The following BAHCC1 variants were observed in gnomAD, a reference collection of about 807,000 sequenced individuals.
BAHCC1 encodes BAH and coiled-coil domain-containing protein 1.
In BAHCC1, 43 loss-of-function variants were observed where a neutral mutation model predicts 88.2. The ratio of observed to expected loss-of-function variants is 0.49; its 90% CI spans 0.38 to 0.63. The LOEUF (loss-of-function observed/expected upper bound fraction) is 0.63. BAHCC1 is among the 20% of genes least tolerant of loss of function. BAHCC1 has a pLI of 0.00. For missense variants in BAHCC1, 3,023 were observed against 1,654.8 expected (o/e 1.83, Z -14.34); for synonymous variants, 1,510 against 745.5 (o/e 2.03, Z -16.71).
intron 2 of BAHCC1, among the ~76,000 whole-genome samples, chr17:81,416,201 CGCGTGTGTACGTGTAT>C: frequency 9.0e-6 from 1 of 110,604 alleles, no homozygotes; most frequent in Non-Finnish European, 1.8e-5. Flanking sequence ...TGGGTGTATG[CGCGTGTGTACGTGTAT>C]GTGTGTCCAT....
At position 81,447,788 on chromosome 17, in the gene BAHCC1, C is replaced by T. The variant is rs2064561839; in HGVS notation, c.3916C>T (p.Leu1306=). 1 of 752,354 alleles carries T rather than the reference C, an allele frequency of 1.3e-6. No individual in the cohort carries two copies. The highest frequency in any genetic ancestry group is 1.7e-5 in the African/African-American group (1 of 58,616). 46.6% of individuals were successfully genotyped at this position (752,354 alleles called of 1,614,324 possible). Reference sequence around the variant, plus strand: ...TAGCTCAGGGATTCATGGGATCGCTCTGCTCAGCGAGCTGGCTGACCTGGC... The same window carrying T: ...TAGCTCAGGGATTCATGGGATCGCTTTGCTCAGCGAGCTGGCTGACCTGGC... ...PHSSGIHGIA[L]LSELADLAIQ... is the part of the protein sequence containing the mutation. The change falls in exon 11 of 28, where the codon CTG becomes TTG. Residue 1306 remains leucine, a synonymous_variant. Coordinates refer to ENST00000675386, the MANE Select transcript of BAHCC1 (RefSeq NM_001377448.1).
chr17:81,444,067 C>G (rs1276057207), intron 6 of BAHCC1, 150 bp downstream of exon 6: 1 of 616,782 alleles, frequency 1.6e-6, no homozygotes, highest in East Asian at 2.7e-5. Context: ...ACCCCTAGAG[C>G]CTTTCTGGAG....
At position 81,461,531 on chromosome 17, in the gene BAHCC1, A is replaced by G. The variant is rs1555659379; in HGVS notation, c.6868A>G (p.Ser2290Gly). 4.1e-6 allele frequency: 3 copies of G among 736,374 alleles called. No individual in the cohort carries two copies. The highest frequency in any genetic ancestry group is 1.4e-5 in the South Asian group (1 of 69,162). 45.6% of individuals were successfully genotyped at this position (736,374 alleles called of 1,614,324 possible). A position where few individuals can be genotyped will look rare whatever the true frequency, so the allele number is the denominator to read the frequency against. Residue 2290 changes from serine to glycine, a missense_variant, in exon 26 of 28, where the codon AGC becomes GGC. Physicochemically the swap from Ser to Gly is moderately conservative, Grantham distance 56. Transcript: ENST00000675386. ...GCTGCCCTACGACAGCGACTGCCACAGCTCCTTCTCGGACGAGGACGAGGA... is the reference window on the plus strand; with the variant it reads ...GCTGCCCTACGACAGCGACTGCCACGGCTCCTTCTCGGACGAGGACGAGGA... The part of the protein sequence containing the change: ...FPLPYDSDCH[S>G]SFSDEDEDGP...
chr17:81,443,976 A>G (rs1464604128), intron 6 of BAHCC1, 59 bp downstream of exon 6: 1 of 694,012 alleles, frequency 1.4e-6, no homozygotes, highest in Non-Finnish European at 2.6e-6. Flanking sequence ...GGGGCTCCCC[A>G]CTCAGAGCCA....
At chr17:81,425,903 A>G (rs2064187095) in intron 2 of BAHCC1, among the ~76,000 whole-genome samples, 1 of 97,822 alleles carries the variant, frequency 1.0e-5, no homozygotes, top group African/African-American at 4.2e-5. Context: ...TTGGTGGGTG[A>G]TGTCATTGGT....
intron 2 of BAHCC1, among the ~76,000 whole-genome samples, chr17:81,419,842 G>A (rs1488607026): frequency 6.6e-6 from 1 of 150,808 alleles, no homozygotes; most frequent in Non-Finnish European, 1.5e-5. Flanking sequence ...AGAAAAGGAG[G>A]ATGCTGTCTC....
intron 2 of BAHCC1, among the ~76,000 whole-genome samples, chr17:81,416,973 A>G (rs920900044): frequency 4.6e-5 from 7 of 152,068 alleles, no homozygotes; most frequent in Non-Finnish European, 1.0e-4. Context: ...TTGCACCCCC[A>G]TCCGTTGCCG....
intron 2 of BAHCC1, among the ~76,000 whole-genome samples, chr17:81,406,564 C>T (rs370697010): frequency 3.3e-5 from 5 of 152,216 alleles, no homozygotes; most frequent in Admixed American, 6.5e-5. Flanking sequence ...GGGCCTCGGG[C>T]GTGGGACCGC....
In BAHCC1 at chr17:81,411,196, G is replaced by GC. The variant is rs2063945789; in HGVS notation, c.178+11280dup. 1.9e-6 allele frequency: 1 copy of GC among 517,622 alleles called. No individual in the cohort carries two copies. The highest frequency in any genetic ancestry group is 3.9e-6 in the Non-Finnish European group (1 of 259,690). The allele number at this position is 517,622 out of a possible 1,614,324, so 32.1% of individuals were successfully genotyped here. A position where few individuals can be genotyped will look rare whatever the true frequency, so the allele number is the denominator to read the frequency against. On this transcript the variant is annotated intron_variant, in intron 2 of 27. Coordinates refer to ENST00000675386, the MANE Select transcript of BAHCC1 (RefSeq NM_001377448.1). The surrounding 1 kb of genome is among the most constrained non-coding windows in gnomAD (Gnocchi z 6.2). Reference sequence around the variant, plus strand: ...TGCCCCAGGCTGAGGCCGAGGGTCTGCGCCACCTGGGCATGCCCAGTGGGG... The same window carrying GC: ...TGCCCCAGGCTGAGGCCGAGGGTCTGCCGCCACCTGGGCATGCCCAGTGGGG...
At chr17:81,446,198 G>C (rs2064523655) in intron 10 of BAHCC1, among the ~76,000 whole-genome samples, 1 of 152,206 alleles carries the variant, frequency 6.6e-6, no homozygotes, top group South Asian at 2.1e-4. Flanking sequence ...TGGAAACCGT[G>C]TGGCGAACAT....
chr17:81,407,449 T>G, intron 2 of BAHCC1: 1 of 514,062 alleles, frequency 1.9e-6, no homozygotes, highest in Non-Finnish European at 3.9e-6. Context: ...CCCCTGAGAC[T>G]TCTGCAACCA....
intron 2 of BAHCC1, among the ~76,000 whole-genome samples, chr17:81,421,766 C>T (rs1555649607): frequency 1.3e-5 from 2 of 152,226 alleles, no homozygotes; most frequent in African/African-American, 4.8e-5. Context: ...GTGAGACGCC[C>T]TGGCAGCAGC....
In BAHCC1 at chr17:81,459,119, G is replaced by A. The variant is rs201264520; in HGVS notation, c.5671G>A (p.Asp1891Asn). The A allele has an allele frequency of 4.3e-5, 33 of 772,442 alleles. No homozygotes were observed. The highest frequency in any genetic ancestry group is 7.5e-5 in the Non-Finnish European group (31 of 414,884). 47.8% of individuals were successfully genotyped at this position (772,442 alleles called of 1,614,324 possible). A position where few individuals can be genotyped will look rare whatever the true frequency, so the allele number is the denominator to read the frequency against. ...DGLPVLIPKE[D>N]SLLYAGSVRT... ...GCTGCCCGTGCTCATCCCCAAGGAG[G>A]ATAGCCTGCTGTACGCGGGCAGCGT... Residue 1891 changes from aspartate (D) to asparagine (N), a missense_variant, in exon 21 of 28, where the codon GAT becomes AAT. Coordinates refer to ENST00000675386, the MANE Select transcript of BAHCC1 (RefSeq NM_001377448.1).
chr17:81,442,739 C>T lies in BAHCC1; in HGVS notation c.1390C>T (p.Arg464Trp), dbSNP rs781854529. The T allele has an allele frequency of 1.9e-5, 15 of 777,908 alleles. No homozygotes were observed. The highest frequency in any genetic ancestry group is 1.5e-4 in the East Asian group (6 of 41,182). The allele number at this position is 777,908 out of a possible 1,614,324, so 48.2% of individuals were successfully genotyped here. Residue 464 changes from arginine (R) to tryptophan (W), a missense_variant, in exon 5 of 28, where the codon CGG becomes TGG. Coordinates refer to ENST00000675386, the MANE Select transcript of BAHCC1 (RefSeq NM_001377448.1). ...PGGFEAALNP[R>W]LKGLDYLSSA... ...GGGCTTTGAGGCGGCCCTCAACCCC[C>T]GGCTAAAGGGCCTCGACTATCTCAG...
Position 81,447,537 on chromosome 17 carries a change from C to T in BAHCC1, c.3665C>T (p.Pro1222Leu), listed in dbSNP as rs1261620722. The change falls in exon 11 of 28, where the codon CCT (proline) becomes CTT (leucine). Residue 1222 changes from proline (P) to leucine (L), a missense_variant. Coordinates refer to ENST00000675386, the MANE Select transcript of BAHCC1 (RefSeq NM_001377448.1). Reference sequence around the variant, plus strand: ...GAGGACGAGGGGGAGCAGCCGGCCCCTGAGGAGGACGAGCTGGAGGAAGAC... The same window carrying T: ...GAGGACGAGGGGGAGCAGCCGGCCCTTGAGGAGGACGAGCTGGAGGAAGAC... ...ALEDEGEQPAPEEDELEEDEL... is the reference protein window; with the variant it reads ...ALEDEGEQPALEEDELEEDEL... 1.2e-5 allele frequency: 9 copies of T among 755,596 alleles called. No homozygotes were observed. Among genetic ancestry groups the T allele is most frequent in the Non-Finnish European group, 2.2e-5 (9 of 406,416 alleles). 46.8% of individuals were successfully genotyped at this position (755,596 alleles called of 1,614,324 possible).
In BAHCC1 at chr17:81,434,665, A is replaced by G. The variant is rs2064311818; in HGVS notation, c.359-3705A>G. Among the ~76,000 whole-genome samples the G allele has an allele frequency of 6.6e-6, 1 of 151,694 alleles. No homozygotes were observed. Among genetic ancestry groups the G allele is most frequent in the Non-Finnish European group, 1.5e-5 (1 of 67,894 alleles). ...CCCTCCTAGACCTGGCCGTGAAGATACCCCAAGTTCAGCATCCTGAGAGAC... is the reference window on the plus strand; with the variant it reads ...CCCTCCTAGACCTGGCCGTGAAGATGCCCCAAGTTCAGCATCCTGAGAGAC... On this transcript the variant is annotated intron_variant, in intron 3 of 27. Transcript: ENST00000675386. This position sits in a 1 kb window ranked among gnomAD's most constrained non-coding sequence, Gnocchi z 4.9.
Position 81,460,422 on chromosome 17 carries a change from G to A in BAHCC1, c.6025+26G>A, listed in dbSNP as rs1367566375. The A allele has an allele frequency of 5.4e-6, 4 of 744,066 alleles. No individual in the cohort carries two copies. In the Admixed American group the frequency reaches 5.6e-5, roughly 10 times the overall value. The allele number at this position is 744,066 out of a possible 1,614,324, so 46.1% of individuals were successfully genotyped here. ...GTGAGCCTGGGAGCTGCACGGGGCA[G>A]GGCCCTGCCTGGGCTCCACTGTGTC... On this transcript the variant is annotated intron_variant, in intron 24 of 27. Coordinates refer to ENST00000675386, the MANE Select transcript of BAHCC1 (RefSeq NM_001377448.1).
intron 4 of BAHCC1, among the ~76,000 whole-genome samples, chr17:81,440,486 A>T (rs995990429): frequency 3.3e-5 from 5 of 152,180 alleles, no homozygotes; most frequent in Non-Finnish European, 5.9e-5. Flanking sequence ...CCTGAGGACA[A>T]TTTTACAAGT....
intron 2 of BAHCC1, among the ~76,000 whole-genome samples, chr17:81,423,098 G>GCCTGGC (rs1257532777): frequency 2.0e-5 from 3 of 152,064 alleles, no homozygotes; most frequent in East Asian, 1.9e-4. Flanking sequence ...CTGGGCCTGG[G>GCCTGGC]CCTGGCCCTG....
Sources: gnomAD v4.1 joint callset for allele counts (sites outside exome capture counted in the v4.1 genomes callset) on GRCh38, gnomAD v4.1.1 for gene constraint, Gnocchi (gnomAD v3.1) non-coding constraint, MANE v1.5 for transcripts, NCBI Gene and HGNC (gene_info 2026-07-23, HGNC 2026-07-21) for gene names.